The following CCDC88A variants were observed in gnomAD, a reference collection of about 807,000 sequenced individuals.
CCDC88A encodes the protein coiled-coil and HOOK domain protein 88A, also known as girdin.
In CCDC88A, 54 loss-of-function variants were observed where a neutral mutation model predicts 234.3. That is an observed-to-expected ratio of 0.23 (90% CI 0.19 to 0.29). CCDC88A has a LOEUF of 0.29. CCDC88A is among the 10% of genes least tolerant of loss of function. The pLI is 1.00. For synonymous variants in CCDC88A, 753 were observed against 737.8 expected (o/e 1.02, Z -0.33); for missense variants, 1,832 against 2,123.4 (o/e 0.86, Z 2.70).
chr2:55,418,530 T>G (rs1336935948), intron 2 of CCDC88A: 14 of 376,462 alleles, frequency 3.7e-5, no homozygotes. Context: ...TACCAAATTA[T>G]CAAAGAATAC....
Position 55,419,094 on chromosome 2 carries a change from A to G in CCDC88A, c.-15T>C, listed in dbSNP as rs781773730. The G allele has an allele frequency of 1.9e-6, 3 of 1,575,426 alleles. No homozygotes were observed. The highest frequency in any genetic ancestry group is 1.7e-6 in the Non-Finnish European group (2 of 1,145,894). On this transcript the variant is annotated 5_prime_UTR_variant, in exon 1 of 33. Coordinates refer to ENST00000436346, the MANE Select transcript of CCDC88A (RefSeq NM_001365480.1). ...TCGTTCTCCATTTTACAGAGTATGT[A>G]TTTGAAAAAAGGAACTACCACAAAA...
In CCDC88A at chr2:55,384,580, T is replaced by TATATATACGCATATATACGTATATATGC. The variant is rs1558788264; in HGVS notation, c.273+4197_273+4198insGCATATATACGTATATATGCGTATATAT. 3.5e-5 allele frequency among the ~76,000 whole-genome samples: 3 copies of TATATATACGCATATATACGTATATATGC among 84,646 alleles called. 1 individual carries two copies. Among genetic ancestry groups the TATATATACGCATATATACGTATATATGC allele is most frequent in the African/African-American group, 1.7e-4 (3 of 17,690 alleles). 55.5% of individuals were successfully genotyped at this position (84,646 alleles called of 152,430 possible). Reference sequence around the variant, plus strand: ...ATATACACATATATACGTATATATGTGTATATATACACATATATACGTATA... The same window carrying TATATATACGCATATATACGTATATATGC: ...ATATACACATATATACGTATATATGTATATATACGCATATATACGTATATATGCGTATATATACACATATATACGTATA... On this transcript the variant is annotated intron_variant, in intron 3 of 32. Coordinates refer to ENST00000436346, the MANE Select transcript of CCDC88A (RefSeq NM_001365480.1).
At chr2:55,314,016 AT>A (rs1227897722) in intron 22 of CCDC88A, 1 of 152,186 alleles carries the variant, frequency 6.6e-6, no homozygotes, top group African/African-American at 2.4e-5. Flanking sequence ...TTCTTCTTGA[AT>A]TTGGAATGCT....
rs182446887 is a variant in CCDC88A, at chr2:55,352,291, G to A, written c.801-2692C>T. On this transcript the variant is annotated intron_variant, in intron 8 of 32. Transcript: ENST00000436346. ...CTAAAAATACAAAAATTAGCCAGGC[G>A]TGGTGGTGCATGCCTGTAATCCCAG... 2.6e-3 allele frequency among the ~76,000 whole-genome samples: 399 copies of A among 152,026 alleles called. 2 individuals carry two copies. Among genetic ancestry groups the A allele is most frequent in the African/African-American group, 8.9e-3 (371 of 41,458 alleles).
intron 3 of CCDC88A, among the ~76,000 whole-genome samples, chr2:55,380,187 G>A (rs7564292): frequency 0.55 from 84,137 of 151,624 alleles, 24,707 homozygotes; most frequent in Admixed American, 0.65. Flanking sequence ...AGTGAGCCAA[G>A]ATTGCACCAC....
In CCDC88A at chr2:55,328,528, G is replaced by A; in HGVS notation, c.2856-93C>T. ...GACCACAAATATTCATGCCATAAAT[G>A]GGTCTTATAAAAGCATTTTTGTTAA... On this transcript the variant is annotated intron_variant, in intron 16 of 32. Transcript: ENST00000436346. This position sits in a 1 kb window ranked among gnomAD's most constrained non-coding sequence, Gnocchi z 4.3. 1 of 875,000 alleles carries A rather than the reference G, an allele frequency of 1.1e-6. No individual in the cohort carries two copies. The highest frequency in any genetic ancestry group is 1.6e-6 in the Non-Finnish European group (1 of 610,066). 54.2% of individuals were successfully genotyped at this position (875,000 alleles called of 1,614,324 possible).
At position 55,378,388 on chromosome 2, in the gene CCDC88A, T is replaced by C. The variant is rs900438154; in HGVS notation, c.274-3505A>G. Among the ~76,000 whole-genome samples the C allele has an allele frequency of 7.2e-5, 11 of 152,248 alleles. No individual in the cohort carries two copies. The East Asian group carries it at 1.9e-3, about 27-fold the overall frequency. ...AACTTACCTCCATATCATCTAAAAA[T>C]GTACTCTAGTATAGTAGAATCTAAA... On this transcript the variant is annotated intron_variant, in intron 3 of 32. Coordinates refer to ENST00000436346, the MANE Select transcript of CCDC88A (RefSeq NM_001365480.1).
intron 29 of CCDC88A, among the ~76,000 whole-genome samples, chr2:55,298,778 C>T (rs1440699831): frequency 1.4e-5 from 2 of 147,572 alleles, no homozygotes; most frequent in East Asian, 2.0e-4. Context: ...GGGAGGCTGA[C>T]GTGGTAGGAT....
At chr2:55,316,189 A>G (rs968494730) in intron 21 of CCDC88A, 75 bp from the exon 22 acceptor site, 14 of 564,316 alleles carry the variant, frequency 2.5e-5, no homozygotes, top group African/African-American at 2.3e-4. Context: ...ATATGAAATG[A>G]TATAAATAAC....
intron 2 of CCDC88A, among the ~76,000 whole-genome samples, chr2:55,390,034 C>CAAAAA (rs1296981008): frequency 8.0e-5 from 2 of 25,080 alleles, no homozygotes; most frequent in African/African-American, 1.0e-4. Flanking sequence ...GAGCGAGACT[C>CAAAAA]AAAAAAAAAA....
chr2:55,296,827 G>T lies in CCDC88A; in HGVS notation c.4826-304C>A, dbSNP rs571290780. On this transcript the variant is annotated intron_variant, in intron 29 of 32. Transcript: ENST00000436346. ...ATACAAAGCATTCAATATATTTTTT[G>T]AGTAAATGAATGAATAAATAAGTGA... 344 of 249,574 alleles carry T rather than the reference G, an allele frequency of 1.4e-3. 2 individuals carry two copies. Among genetic ancestry groups the T allele is most frequent in the African/African-American group, 7.4e-3 (329 of 44,594 alleles). The allele number at this position is 249,574 out of a possible 1,614,324, so 15.5% of individuals were successfully genotyped here. A position where few individuals can be genotyped will look rare whatever the true frequency, so the allele number is the denominator to read the frequency against.
chr2:55,344,304 A>G lies in CCDC88A; in HGVS notation c.1188+64T>C, dbSNP rs1465594084. ...CTAGCCATCCTTGCCAATACAGGGA[A>G]ATCAGCTGAATCTTAGAAGTTTTCC... On this transcript the variant is annotated intron_variant, in intron 11 of 32. Transcript: ENST00000436346. 11 of 1,167,850 alleles carry G rather than the reference A, an allele frequency of 9.4e-6. 1 individual carries two copies. In the Middle Eastern group the frequency reaches 1.2e-3, roughly 133 times the overall value. 72.3% of individuals were successfully genotyped at this position (1,167,850 alleles called of 1,614,324 possible). A position where few individuals can be genotyped will look rare whatever the true frequency, so the allele number is the denominator to read the frequency against.
intron 14 of CCDC88A, among the ~76,000 whole-genome samples, chr2:55,336,104 G>A (rs1335069993): frequency 6.6e-6 from 1 of 152,106 alleles, no homozygotes; most frequent in Non-Finnish European, 1.5e-5. Flanking sequence ...TAAGGTGAAA[G>A]GATTGCTTGA....
chr2:55,381,409 C>T (rs928383273), intron 3 of CCDC88A, among the ~76,000 whole-genome samples: 2 of 151,748 alleles, frequency 1.3e-5, no homozygotes, highest in Non-Finnish European at 2.9e-5. Context: ...CAAAATTAGC[C>T]GGGTGTAGTG....
At chr2:55,378,802 G>C (rs1033115639) in intron 3 of CCDC88A, among the ~76,000 whole-genome samples, 4 of 150,772 alleles carry the variant, frequency 2.7e-5, no homozygotes, top group African/African-American at 9.8e-5. Context: ...CTGGAGTGCA[G>C]TGGCACGTTC....
chr2:55,315,440 T>C (rs1334659845), intron 22 of CCDC88A: 1 of 152,332 alleles, frequency 6.6e-6, no homozygotes, highest in Non-Finnish European at 1.5e-5. Context: ...TCTAGAGTCC[T>C]AACAAGGTTG....
rs1340150957 is a variant in CCDC88A, at chr2:55,290,052, CTG to C, written c.*1146_*1147del. ...TTTTTGATTTCATAAGAAAATAAAA[CTG>C]TGATATAAAATTGGAACTACTAAAA... On this transcript the variant is annotated 3_prime_UTR_variant, in exon 33 of 33. Coordinates refer to ENST00000436346, the MANE Select transcript of CCDC88A (RefSeq NM_001365480.1). The C allele has an allele frequency of 5.2e-5, 8 of 152,460 alleles. No homozygotes were observed. The highest frequency in any genetic ancestry group is 2.1e-4 in the South Asian group (1 of 4,832). 9.4% of individuals were successfully genotyped at this position (152,460 alleles called of 1,614,324 possible). A position where few individuals can be genotyped will look rare whatever the true frequency, so the allele number is the denominator to read the frequency against.
chr2:55,390,202 G>A (rs866818611), intron 2 of CCDC88A, among the ~76,000 whole-genome samples: 5 of 151,880 alleles, frequency 3.3e-5, no homozygotes, highest in African/African-American at 7.3e-5. Flanking sequence ...TCTTTAATGC[G>A]TGGTTTAACT....
chr2:55,346,338 A>C lies in CCDC88A; in HGVS notation c.883-5T>G, dbSNP rs1316812235. On this transcript the variant is annotated splice_region_variant and splice_polypyrimidine_tract_variant and intron_variant, in intron 9 of 32. Transcript: ENST00000436346. ...ATCCGAAAGCAAATTCATGTTCTAA[A>C]CAAAAATTTAAAATTATATTTTAAT... 6.5e-7 allele frequency: 1 copy of C among 1,541,306 alleles called. No homozygotes were observed. Among genetic ancestry groups the C allele is most frequent in the Non-Finnish European group, 8.8e-7 (1 of 1,136,392 alleles).
Sources: gnomAD v4.1 joint callset for allele counts (sites outside exome capture counted in the v4.1 genomes callset) on GRCh38, gnomAD v4.1.1 for gene constraint, Gnocchi (gnomAD v3.1) non-coding constraint, MANE v1.5 for transcripts, NCBI Gene and HGNC (gene_info 2026-07-23, HGNC 2026-07-21) for gene names.